RNF150: variants seen among roughly 807,000 people sequenced by gnomAD.
The protein encoded by RNF150 is ring finger protein 150.
A neutral mutation model predicts 39.3 loss-of-function variants in RNF150; 24 were observed. The ratio of observed to expected loss-of-function variants is 0.61; its 90% CI spans 0.44 to 0.86. The LOEUF is 0.86. RNF150 is among the 40% of genes least tolerant of loss of function. RNF150 has a pLI of 0.00. For synonymous variants in RNF150, 255 were observed against 227.3 expected (o/e 1.12, Z -1.10); for missense variants, 502 against 587.8 (o/e 0.85, Z 1.51).
chr4:141,205,809 C>G (rs1728364912), intron 1 of RNF150, among the ~76,000 whole-genome samples: 1 of 152,104 alleles, frequency 6.6e-6, no homozygotes, highest in Non-Finnish European at 1.5e-5. Context: ...TTTTAATAAA[C>G]TATTTCCTAG....
At chr4:141,100,976 C>T (rs1261453593) in intron 1 of RNF150, among the ~76,000 whole-genome samples, 4 of 152,066 alleles carry the variant, frequency 2.6e-5, no homozygotes, top group Admixed American at 6.5e-5. Context: ...TCATGAATGG[C>T]GCTTCTAAGA....
At chr4:141,021,935 T>C (rs1002439850) in intron 1 of RNF150, among the ~76,000 whole-genome samples, 1 of 152,214 alleles carries the variant, frequency 6.6e-6, no homozygotes, top group Non-Finnish European at 1.5e-5. Context: ...AGAGTTTAGC[T>C]AATCCACACA....
chr4:140,967,134 A>G (rs974343823), intron 2 of RNF150, among the ~76,000 whole-genome samples: 1 of 152,160 alleles, frequency 6.6e-6, no homozygotes. Context: ...AAGATATTCC[A>G]GGAAGAGGAA....
intron 1 of RNF150, among the ~76,000 whole-genome samples, chr4:141,111,068 G>A (rs183013047): frequency 2.0e-5 from 3 of 152,212 alleles, no homozygotes; most frequent in African/African-American, 7.2e-5. Context: ...GACAGACCAG[G>A]AATTACACAG....
At chr4:140,896,930 T>C (rs1729981919) in intron 6 of RNF150, among the ~76,000 whole-genome samples, 1 of 152,166 alleles carries the variant, frequency 6.6e-6, no homozygotes. Context: ...ATAGCAATGT[T>C]GGCTGCTAGG....
chr4:141,180,629 T>C (rs1416484583), intron 1 of RNF150, among the ~76,000 whole-genome samples: 2 of 152,166 alleles, frequency 1.3e-5, no homozygotes, highest in African/African-American at 4.8e-5. Context: ...CTTTAAGATA[T>C]TCCTTTTCTC....
chr4:140,988,932 T>C (rs559968192), intron 1 of RNF150, among the ~76,000 whole-genome samples: 12 of 152,220 alleles, frequency 7.9e-5, no homozygotes, highest in African/African-American at 2.6e-4. Context: ...ATGTTCTCAC[T>C]CATAGGTGGG....
intron 1 of RNF150, among the ~76,000 whole-genome samples, chr4:141,151,991 A>G (rs1727311003): frequency 1.3e-5 from 2 of 152,142 alleles, no homozygotes; most frequent in Admixed American, 1.3e-4. Context: ...TTCTTTTACA[A>G]AACTTTCATT....
intron 1 of RNF150, among the ~76,000 whole-genome samples, chr4:141,118,817 G>C (rs1429523414): frequency 6.6e-6 from 1 of 152,152 alleles, no homozygotes; most frequent in African/African-American, 2.4e-5. Flanking sequence ...CTGGAGTACA[G>C]TGGCTCGATC....
At chr4:141,170,514 C>T (rs973185150) in intron 1 of RNF150, among the ~76,000 whole-genome samples, 1 of 151,996 alleles carries the variant, frequency 6.6e-6, no homozygotes, top group Non-Finnish European at 1.5e-5. Flanking sequence ...TGATATAGTT[C>T]GTATTCTGCT....
At chr4:140,913,597 C>A (rs1283864790) in intron 5 of RNF150, among the ~76,000 whole-genome samples, 1 of 152,164 alleles carries the variant, frequency 6.6e-6, no homozygotes, top group African/African-American at 2.4e-5. Flanking sequence ...TGTTCCCTCC[C>A]AGGAGGGCAT....
Position 141,178,314 on chromosome 4 carries a change from C to T in RNF150, c.-6+34480G>A, listed in dbSNP as rs143087866. On this transcript the variant is annotated intron_variant, in intron 1 of 7. Transcript: ENST00000420921. ...TCTCTAATTATAGAACAGAATTTCT[C>T]GAATTCTCTTGAATTAACAATGCTG... Among the ~76,000 whole-genome samples, 280 of 152,090 alleles carry T rather than the reference C, an allele frequency of 1.8e-3. 3 individuals carry two copies. Among genetic ancestry groups the T allele is most frequent in the East Asian group, 3.9e-3 (20 of 5,168 alleles).
chr4:140,920,289 C>T (rs965198113), intron 5 of RNF150, among the ~76,000 whole-genome samples: 2 of 145,544 alleles, frequency 1.4e-5, no homozygotes, highest in African/African-American at 5.1e-5. Context: ...ACCTACTCAT[C>T]TGACAAAGGG....
At chr4:141,005,895 C>T (rs1419489693) in intron 1 of RNF150, among the ~76,000 whole-genome samples, 4 of 141,304 alleles carry the variant, frequency 2.8e-5, no homozygotes, top group Non-Finnish European at 6.3e-5. Context: ...GGTGAAACCC[C>T]GTCTCTACTA....
rs1336243770 is a variant in RNF150, at chr4:140,967,760, A to G, written c.598T>C (p.Leu200=). The change falls in exon 2 of 7, where the codon TTG becomes CTG. Residue 200 remains leucine, a synonymous_variant. Coordinates refer to ENST00000515673, the MANE Select transcript of RNF150 (RefSeq NM_020724.2). ...GAAGTGCGGCTCACATATTTCTGCAAGTTCCGGGTTCCGATGGTGATGTAC... is the reference window on the plus strand; with the variant it reads ...GAAGTGCGGCTCACATATTTCTGCAGGTTCCGGGTTCCGATGGTGATGTAC... ...TMYITIGTRN[L]QKYVSRTSVV... is the part of the protein sequence containing the mutation. 6.2e-7 allele frequency: 1 copy of G among 1,613,428 alleles called. No individual in the cohort carries two copies. The highest frequency in any genetic ancestry group is 1.3e-5 in the African/African-American group (1 of 74,888).
intron 1 of RNF150, among the ~76,000 whole-genome samples, chr4:140,976,135 T>A (rs879519334): frequency 1.3e-5 from 2 of 152,166 alleles, no homozygotes; most frequent in African/African-American, 2.4e-5. Context: ...AAGAATTTTT[T>A]AAATTAAATT....
intron 6 of RNF150, among the ~76,000 whole-genome samples, chr4:140,887,967 C>T (rs1729637885): frequency 6.6e-6 from 1 of 152,192 alleles, no homozygotes; most frequent in Non-Finnish European, 1.5e-5. Flanking sequence ...ATTATGCTGG[C>T]ATCATTTTAC....
chr4:140,895,328 C>G (rs897608490), intron 6 of RNF150, among the ~76,000 whole-genome samples: 3 of 152,122 alleles, frequency 2.0e-5, no homozygotes, highest in Non-Finnish European at 4.4e-5. Flanking sequence ...GGCACTGAGA[C>G]AGCCCTGGAA....
intron 1 of RNF150, among the ~76,000 whole-genome samples, chr4:141,164,976 T>A (rs972931167): frequency 6.6e-6 from 1 of 152,164 alleles, no homozygotes; most frequent in African/African-American, 2.4e-5. Flanking sequence ...ATGGGCTAAA[T>A]GCCCCAATTA....
Sources: allele counts gnomAD v4.1 joint callset (sites outside exome capture counted in the v4.1 genomes callset), GRCh38; gene constraint gnomAD v4.1.1; transcripts MANE v1.5; gene names NCBI Gene and HGNC (gene_info 2026-07-23, HGNC 2026-07-21).